The following SLC12A8 variants were observed in gnomAD, a reference collection of about 807,000 sequenced individuals.
SLC12A8 encodes solute carrier family 12 member 8, also known as cation-chloride cotransporter 9.
In SLC12A8, 69 loss-of-function variants were observed where a neutral mutation model predicts 75.6. That is an observed-to-expected ratio of 0.91 (90% confidence interval 0.75 to 1.11). The LOEUF (loss-of-function observed/expected upper bound fraction) is 1.11, where lower values mean the gene tolerates loss of function less well. Among genes scored for constraint, SLC12A8 ranks in the 50% most tolerant of loss-of-function variants. SLC12A8 has a pLI of 0.00. For missense variants in SLC12A8, 877 were observed against 896.7 expected (o/e 0.98, Z 0.28); for synonymous variants, 365 against 372.8 (o/e 0.98, Z 0.24).
chr3:125,110,277 C>G lies in SLC12A8; in HGVS notation c.971G>C (p.Cys324Ser). The G allele has an allele frequency of 6.2e-7, 1 of 1,614,068 alleles. No homozygotes were observed. ...GGGAGCTCCATAAAGTCCTCCCATG[C>G]AGGAAGCCAGGGACGAGATGTATAA... ...LGLYISSLAS[C>S]MGGLYGAPRI... The change falls in exon 9 of 14, where the codon TGC becomes TCC. Residue 324 changes from cysteine (C) to serine (S), a missense_variant. Transcript: ENST00000469902.
At position 125,177,816 on chromosome 3, in the gene SLC12A8, C is replaced by G. The variant is rs748083213; in HGVS notation, c.549G>C (p.Gln183His). The G allele has an allele frequency of 2.5e-6, 4 of 1,614,186 alleles. No individual in the cohort carries two copies. The South Asian group carries it at 4.4e-5, about 18-fold the overall frequency. ...CGGCCAGCAGGAACAGCAACAGCAG[C>G]TGGAGGCGGATTATCCATTTGACAC... ...LAGVKWIIRL[Q>H]LLLLFLLAVS... Residue 183 changes from glutamine (Q) to histidine (H), a missense_variant, in exon 5 of 14, where the codon CAG becomes CAC. Transcript: ENST00000469902.
At chr3:125,145,395 C>T (rs1933748675) in intron 5 of SLC12A8, among the ~76,000 whole-genome samples, 1 of 152,150 alleles carries the variant, frequency 6.6e-6, no homozygotes, top group South Asian at 2.1e-4. Context: ...ATGGAAACAA[C>T]CCAAATGTCC....
chr3:125,096,946 T>C lies in SLC12A8; in HGVS notation c.1706-4748A>G, dbSNP rs537359571. Among the ~76,000 whole-genome samples, 82 of 152,366 alleles carry C rather than the reference T, an allele frequency of 5.4e-4. 2 individuals carry two copies. In the East Asian group the frequency reaches 0.016, roughly 29 times the overall value. On this transcript the variant is annotated intron_variant, in intron 10 of 13. Transcript: ENST00000469902. ...AAGCTCTACAACAGCAAAAACCTTC[T>C]ATGTCTATTCAGCATGTTAAATTGT...
intron 5 of SLC12A8, among the ~76,000 whole-genome samples, chr3:125,149,189 A>C (rs776075457): frequency 2.0e-4 from 30 of 152,186 alleles, no homozygotes; most frequent in Non-Finnish European, 3.7e-4. Context: ...GAGTGGGAGC[A>C]GACTCGGGGG....
intron 5 of SLC12A8, among the ~76,000 whole-genome samples, chr3:125,164,756 GA>G (rs1396705158): frequency 3.9e-5 from 6 of 152,246 alleles, no homozygotes; most frequent in Non-Finnish European, 5.9e-5. Context: ...AGTAGAGGCT[GA>G]AAGGCAAAGG....
At chr3:125,183,123 C>T (rs983706828) in intron 4 of SLC12A8, among the ~76,000 whole-genome samples, 3 of 152,272 alleles carry the variant, frequency 2.0e-5, no homozygotes, top group Middle Eastern at 3.4e-3. Flanking sequence ...TCAAGGCCTT[C>T]GTCCACACAC....
chr3:125,105,212 T>C (rs1216427216), intron 10 of SLC12A8, among the ~76,000 whole-genome samples: 1 of 131,904 alleles, frequency 7.6e-6, no homozygotes, highest in Non-Finnish European at 1.6e-5. Flanking sequence ...ATCGAGATAA[T>C]AGAGGGGGGA....
At chr3:125,130,806 C>T (rs2107757878) in intron 6 of SLC12A8, among the ~76,000 whole-genome samples, 1 of 152,292 alleles carries the variant, frequency 6.6e-6, no homozygotes, top group East Asian at 1.9e-4. Context: ...ACCAGGCATC[C>T]TCTCTCTTAG....
chr3:125,206,485 A>G (rs992399788), intron 2 of SLC12A8, among the ~76,000 whole-genome samples: 4 of 152,130 alleles, frequency 2.6e-5, no homozygotes, highest in African/African-American at 9.7e-5. Flanking sequence ...GTTTGGTTCT[A>G]TTTCTATCTA....
intron 10 of SLC12A8, among the ~76,000 whole-genome samples, chr3:125,103,632 T>C (rs1450108576): frequency 6.6e-6 from 1 of 151,514 alleles, no homozygotes; most frequent in Non-Finnish European, 1.5e-5. Context: ...ACTTGGCTCA[T>C]TGAAAAAAAA....
chr3:125,180,065 G>A (rs936613661), intron 4 of SLC12A8, among the ~76,000 whole-genome samples: 2 of 151,870 alleles, frequency 1.3e-5, no homozygotes, highest in Non-Finnish European at 2.9e-5. Flanking sequence ...ATTTGCTCAC[G>A]CAATGTGAGC....
At chr3:125,185,996 C>T (rs1934773196) in intron 4 of SLC12A8, among the ~76,000 whole-genome samples, 1 of 152,216 alleles carries the variant, frequency 6.6e-6, no homozygotes, top group African/African-American at 2.4e-5. Context: ...GTGGGACTCT[C>T]AGCAGCACAG....
chr3:125,141,646 G>C (rs115701482), intron 5 of SLC12A8, among the ~76,000 whole-genome samples: 2,534 of 152,244 alleles, frequency 0.017, 23 homozygotes, highest in Non-Finnish European at 0.026. Flanking sequence ...TAGAAAGCGA[G>C]ATTTCTAAAA....
At chr3:125,153,964 T>A (rs1226418001) in intron 5 of SLC12A8, among the ~76,000 whole-genome samples, 2 of 152,152 alleles carry the variant, frequency 1.3e-5, no homozygotes, top group Non-Finnish European at 2.9e-5. Flanking sequence ...GCCAGGCTGG[T>A]CTCGAACTCC....
chr3:125,100,404 AT>A (rs1389142932), intron 10 of SLC12A8, among the ~76,000 whole-genome samples: 2 of 151,640 alleles, frequency 1.3e-5, no homozygotes, highest in Admixed American at 6.6e-5. Context: ...AATTATATAT[AT>A]TTATTATTAT....
rs373589614 is a variant in SLC12A8 at position 125,110,291 on chromosome 3, C to A, written c.957G>T (p.Ser319=). The A allele has an allele frequency of 7.1e-5, 114 of 1,613,846 alleles. No homozygotes were observed. The highest frequency in any genetic ancestry group is 3.1e-4 in the East Asian group (14 of 44,890). Residue 319 remains serine, a synonymous_variant, in exon 9 of 14, where the codon TCG becomes TCT. Transcript: ENST00000469902. ...GFLFLLGLYI[S]SLASCMGGLY... ...GTCCTCCCATGCAGGAAGCCAGGGACGAGATGTATAAGCCCAAAAGGAACA... is the reference window on the plus strand; with the variant it reads ...GTCCTCCCATGCAGGAAGCCAGGGAAGAGATGTATAAGCCCAAAAGGAACA...
chr3:125,107,990 T>A lies in SLC12A8; in HGVS notation c.1196A>T (p.Asp399Val). 6.2e-7 allele frequency: 1 copy of A among 1,614,118 alleles called. No individual in the cohort carries two copies. The highest frequency in any genetic ancestry group is 8.5e-7 in the Non-Finnish European group (1 of 1,180,006). The change falls in exon 10 of 14, where the codon GAC (aspartate) becomes GTC (valine). Residue 399 changes from aspartate to valine, a missense_variant. Transcript: ENST00000469902. ...CATGGACAGGGAGAAGTAAGAGTAGTCCACTGCAACGTATGTCAGCATGAA... is the reference window on the plus strand; with the variant it reads ...CATGGACAGGGAGAAGTAAGAGTAGACCACTGCAACGTATGTCAGCATGAA... ...INFMLTYVAV[D>V]YSYFSLSMCS...
chr3:125,085,383 A>G (rs1176184865), intron 13 of SLC12A8, among the ~76,000 whole-genome samples: 1 of 152,210 alleles, frequency 6.6e-6, no homozygotes. Flanking sequence ...TGACAGGCTC[A>G]ACTTCACATA....
At position 125,176,412 on chromosome 3, in the gene SLC12A8, T is replaced by A. The variant is rs139118759; in HGVS notation, c.622+1331A>T. Among the ~76,000 whole-genome samples the A allele has an allele frequency of 2.9e-3, 437 of 152,260 alleles. 1 individual carries two copies. Among genetic ancestry groups the A allele is most frequent in the African/African-American group, 9.8e-3 (409 of 41,536 alleles). On this transcript the variant is annotated intron_variant, in intron 5 of 13. Coordinates refer to ENST00000469902, the MANE Select transcript of SLC12A8 (RefSeq NM_024628.6). ...AAGAAAATAAAAGGACACATAGGCA[T>A]GGGCAAGGACTTCATGTCTAAAACA...
Sources: gnomAD v4.1 joint callset for allele counts (sites outside exome capture counted in the v4.1 genomes callset) on GRCh38, gnomAD v4.1.1 for gene constraint, MANE v1.5 for transcripts, NCBI Gene and HGNC (gene_info 2026-07-23, HGNC 2026-07-21) for gene names.